The following NLRP13 variants were observed in gnomAD, a reference collection of about 807,000 sequenced individuals.
The protein encoded by NLRP13 is NACHT, LRR and PYD domains-containing protein 13.
In NLRP13, 82 loss-of-function variants were observed where a neutral mutation model predicts 94.4. That is an observed-to-expected ratio of 0.87 (90% CI 0.73 to 1.04). The LOEUF is 1.04. NLRP13 is among the 50% of genes least tolerant of loss of function. NLRP13 has a pLI of 0.00. For missense variants in NLRP13, 1,426 were observed against 1,230.8 expected, an observed-to-expected ratio of 1.16 and a Z score of -2.37; for synonymous variants, 553 against 464.7, an observed-to-expected ratio of 1.19 and a Z score of -2.45.
At chr19:55,918,618 C>G (rs1321551198) in intron 4 of NLRP13, among the ~76,000 whole-genome samples, 1 of 151,974 alleles carries the variant, frequency 6.6e-6, no homozygotes, top group Admixed American at 6.6e-5. Flanking sequence ...AACTAAAAAC[C>G]CAAGAAGAAA....
intron 9 of NLRP13, among the ~76,000 whole-genome samples, chr19:55,899,979 C>A (rs1302728174): frequency 6.7e-6 from 1 of 148,508 alleles, no homozygotes; most frequent in Non-Finnish European, 1.5e-5. Context: ...GAGATCTATT[C>A]CATGGCATGG....
In NLRP13 at chr19:55,907,957, C is replaced by T. The variant is rs1986400994; in HGVS notation, c.2283-1G>A. The T allele has an allele frequency of 6.3e-7, 1 of 1,592,016 alleles. No homozygotes were observed. The highest frequency in any genetic ancestry group is 1.1e-5 in the South Asian group (1 of 89,096). ...CCACTCAGGAGTTACCGATTTGCAC[C>T]TGAGGAAGGGAAGGGACATGAAAGC... On this transcript the variant is annotated splice_acceptor_variant, in intron 6 of 10. Transcript: ENST00000342929. LOFTEE classifies it high-confidence loss of function.
chr19:55,927,616 G>A (rs1987000643), intron 1 of NLRP13, among the ~76,000 whole-genome samples: 2 of 151,942 alleles, frequency 1.3e-5, no homozygotes, highest in Non-Finnish European at 2.9e-5. Flanking sequence ...TGCTGGCCAG[G>A]CACCATGCTT....
chr19:55,899,479 C>CG (rs1555813577), intron 9 of NLRP13, among the ~76,000 whole-genome samples: 1 of 151,958 alleles, frequency 6.6e-6, no homozygotes, highest in Non-Finnish European at 1.5e-5. Flanking sequence ...TAAACCCACC[C>CG]CCCCCATCCC....
intron 4 of NLRP13, 56 bp downstream of exon 4, chr19:55,923,858 G>C (rs1325478879): frequency 1.5e-6 from 2 of 1,321,922 alleles, no homozygotes; most frequent in African/African-American, 2.9e-5. Context: ...TGGACCTAGT[G>C]AAACCAATGC....
rs372124894 is a variant in NLRP13 at position 55,911,908 on chromosome 19, G to T, written c.1909C>A (p.Arg637=). The change falls in exon 5 of 11, where the codon CGA becomes AGA. Residue 637 remains arginine (R), a synonymous_variant. Transcript: ENST00000342929. ...GACTCGTGTAGGCAGTGAAAAAGTC[G>T]TAGAATGTGAAATTGGAGAGAGGCA... is the stretch of plus-strand genomic sequence containing the variant. ...ESASLQFHIL[R]LFHCLHESQE... 1 of 1,614,102 alleles carries T rather than the reference G, an allele frequency of 6.2e-7. No individual in the cohort carries two copies. The highest frequency in any genetic ancestry group is 8.5e-7 in the Non-Finnish European group (1 of 1,179,972).
At chr19:55,916,682 T>G (rs78156473) in intron 4 of NLRP13, among the ~76,000 whole-genome samples, 2,707 of 152,242 alleles carry the variant, frequency 0.018, 86 homozygotes, top group African/African-American at 0.062. Context: ...AACAGGATTT[T>G]AAGAAAATGA....
At position 55,898,770 on chromosome 19, in the gene NLRP13, C is replaced by A. The variant is rs763698971; in HGVS notation, c.2957G>T (p.Gly986Val). 1.7e-4 allele frequency: 274 copies of A among 1,602,580 alleles called. 4 individuals are homozygous for A. In the South Asian group the frequency reaches 3.0e-3, roughly 18 times the overall value. The change falls in exon 10 of 11, where the codon GGG becomes GTG. Residue 986 changes from glycine (G) to valine (V), a missense_variant and splice_region_variant. Transcript: ENST00000342929. The part of the protein sequence containing the change: ...LKPHRALHTL[G>V]LAKCNLTTAC... The stretch of plus-strand genomic sequence containing the variant: ...TGCAAGGAGAACAGCATCAACTCAC[C>A]CAAGTGTGTGCAATGCACGATGTGG...
chr19:55,923,970 T>C lies in NLRP13; in HGVS notation c.467A>G (p.Gln156Arg), dbSNP rs900079006. ...GTTTGGATCTTGGCATCCCTGGGCC[T>C]GTACATTCCCTGAAATAAACAGTGA... is the stretch of plus-strand genomic sequence containing the variant. ...DELEEETGNV[Q>R]AQGCQDPNQE... The change falls in exon 4 of 11, where the codon CAG (glutamine) becomes CGG (arginine). Residue 156 changes from glutamine (Q) to arginine (R), a missense_variant. By Grantham distance (43) the Gln-to-Arg change is conservative. Transcript: ENST00000342929. The C allele has an allele frequency of 1.2e-5, 20 of 1,613,612 alleles. No homozygotes were observed. Among genetic ancestry groups the C allele is most frequent in the Non-Finnish European group, 1.5e-5 (18 of 1,179,590 alleles).
chr19:55,924,049 C>G (rs1986908963), intron 3 of NLRP13, 70 bp from the exon 4 acceptor site: 30 of 1,190,456 alleles, frequency 2.5e-5, no homozygotes, highest in Non-Finnish European at 3.5e-5. Context: ...GATAAAGACT[C>G]TCAGTAGAAC....
At chr19:55,901,973 G>T (rs2123108017) in intron 9 of NLRP13, 62 bp downstream of exon 9, 2 of 1,545,910 alleles carry the variant, frequency 1.3e-6, no homozygotes, top group South Asian at 1.2e-5. Flanking sequence ...CTCAGGCATT[G>T]GTGGGTCAAT....
chr19:55,915,371 G>A (rs1308075909), intron 4 of NLRP13, among the ~76,000 whole-genome samples: 2 of 152,228 alleles, frequency 1.3e-5, no homozygotes, highest in Non-Finnish European at 2.9e-5. Context: ...GCCGAAGCAG[G>A]TGGATCACCT....
At chr19:55,904,142 G>A (rs1202618440) in intron 8 of NLRP13, among the ~76,000 whole-genome samples, 3 of 152,162 alleles carry the variant, frequency 2.0e-5, no homozygotes, top group Non-Finnish European at 2.9e-5. Context: ...ATCCGGGCTG[G>A]AGTGTAGTGG....
At chr19:55,931,728 A>AAGACAGAAAGAAAGACAGAAAGAAAGAC (rs1568449439) in intron 1 of NLRP13, among the ~76,000 whole-genome samples, 21 of 76,664 alleles carry the variant, frequency 2.7e-4, no homozygotes, top group African/African-American at 7.9e-4. Context: ...AAAAAAAAGA[A>AAGACAGAAAGAAAGACAGAAAGAAAGAC]AGAAAGAAAG....
chr19:55,916,757 G>A (rs1197473147), intron 4 of NLRP13, among the ~76,000 whole-genome samples: 1 of 152,162 alleles, frequency 6.6e-6, no homozygotes, highest in Non-Finnish European at 1.5e-5. Flanking sequence ...AGGCATTCCT[G>A]AGGGAGAAGA....
intron 1 of NLRP13, among the ~76,000 whole-genome samples, chr19:55,928,868 A>C (rs996918136): frequency 2.0e-5 from 3 of 152,228 alleles, no homozygotes; most frequent in African/African-American, 7.2e-5. Context: ...AGAATGGGAG[A>C]AAATTTTTGT....
At chr19:55,909,627 C>T (rs749520060) in intron 6 of NLRP13, among the ~76,000 whole-genome samples, 1 of 152,138 alleles carries the variant, frequency 6.6e-6, no homozygotes, top group African/African-American at 2.4e-5. Context: ...TCGATCTGCC[C>T]ACTTGCTGTC....
At chr19:55,920,883 ATGTGG>A (rs1986804364) in intron 4 of NLRP13, among the ~76,000 whole-genome samples, 1 of 152,144 alleles carries the variant, frequency 6.6e-6, no homozygotes, top group Non-Finnish European at 1.5e-5. Context: ...GATAAAGAAA[ATGTGG>A]TGTATGTATG....
downstream of NLRP13, among the ~76,000 whole-genome samples, chr19:55,893,515 C>T (rs1053466530): frequency 1.3e-5 from 2 of 152,218 alleles, no homozygotes; most frequent in Admixed American, 6.5e-5. Flanking sequence ...GTTTACCCTT[C>T]GACTGGGACC....
Sources: allele counts gnomAD v4.1 joint callset (sites outside exome capture counted in the v4.1 genomes callset), GRCh38; gene constraint gnomAD v4.1.1; transcripts MANE v1.5; gene names NCBI Gene and HGNC (gene_info 2026-07-23, HGNC 2026-07-21).